NSUN5: variants seen among roughly 807,000 people sequenced by gnomAD.
NSUN5 encodes the protein NOP2/Sun RNA methyltransferase 5, also known as 28S rRNA (cytosine-C(5))-methyltransferase.
Under a neutral mutation model 51.1 loss-of-function variants are expected in NSUN5, and 39 were observed. The observed-to-expected ratio is 0.76, with a 90% confidence interval of 0.59 to 1.00. The LOEUF is 1.00. NSUN5 is among the 50% of genes least tolerant of loss of function. NSUN5 has a pLI of 0.00. For missense variants in NSUN5, 526 were observed against 614.0 expected (o/e 0.86, Z 1.51); for synonymous variants, 266 against 271.5 (o/e 0.98, Z 0.20).
rs1554542466 is a variant in NSUN5 at position 73,308,826 on chromosome 7, C to T, written c.-36G>A. The stretch of plus-strand genomic sequence containing the variant: ...GCCTTTACGGCTCTGTGGCAAAACG[C>T]ACCCGGCTCGGCGCCCGCCCGGACT... On this transcript the variant is annotated 5_prime_UTR_variant, in exon 1 of 10. Coordinates refer to ENST00000438747, the MANE Select transcript of NSUN5 (RefSeq NM_148956.4). 2 of 1,600,452 alleles carry T rather than the reference C, an allele frequency of 1.2e-6. No individual in the cohort carries two copies. Among genetic ancestry groups the T allele is most frequent in the East Asian group, 2.2e-5 (1 of 44,528 alleles).
Position 73,303,045 on chromosome 7 carries a change from C to A in NSUN5, c.*370G>T, listed in dbSNP as rs1319307684. ...AGTTCCGCAGGCAGGACAGCCGGTC[C>A]GGGAACCCTGAGTGAGTGTGAGTGT... On this transcript the variant is annotated 3_prime_UTR_variant, in exon 10 of 10. Transcript: ENST00000438747. 3.2e-5 allele frequency: 42 copies of A among 1,325,004 alleles called. No individual in the cohort carries two copies. Among genetic ancestry groups the A allele is most frequent in the Non-Finnish European group, 4.0e-5 (41 of 1,033,980 alleles). The allele number at this position is 1,325,004 out of a possible 1,614,324, so 82.1% of individuals were successfully genotyped here.
chr7:73,306,279 G>A (rs1804035187), intron 4 of NSUN5, among the ~76,000 whole-genome samples: 1 of 151,150 alleles, frequency 6.6e-6, no homozygotes, highest in South Asian at 2.1e-4. Context: ...AGCTACTCAG[G>A]AGGCTGAGGC....
rs1332721269 is a variant in NSUN5 at position 73,305,228 on chromosome 7, G to A, written c.501-131C>T. On this transcript the variant is annotated intron_variant, in intron 4 of 9. Coordinates refer to ENST00000438747, the MANE Select transcript of NSUN5 (RefSeq NM_148956.4). ...ACAGGGTGATAAGCTAGAGATGGGC[G>A]GAATCCGCAGTTGAGGGAATGGGTT... 4.9e-5 allele frequency: 62 copies of A among 1,267,646 alleles called. 1 individual carries two copies. The highest frequency in any genetic ancestry group is 3.2e-4 in the Admixed American group (14 of 43,596). The allele number at this position is 1,267,646 out of a possible 1,614,324, so 78.5% of individuals were successfully genotyped here. A position where few individuals can be genotyped will look rare whatever the true frequency, so the allele number is the denominator to read the frequency against.
chr7:73,302,799 T>C lies in NSUN5; in HGVS notation c.*616A>G, dbSNP rs140366182. 3.4e-3 allele frequency: 3,394 copies of C among 989,984 alleles called. 81 individuals are homozygous for C. In the African/African-American group the frequency reaches 0.056, roughly 16 times the overall value. The allele number at this position is 989,984 out of a possible 1,614,324, so 61.3% of individuals were successfully genotyped here. ...GCCCCCTCCCCGATGTGACTGAGGG[T>C]GAGTGAGTGGTGGTGGGGCTGCTCC... On this transcript the variant is annotated 3_prime_UTR_variant, in exon 10 of 10. Coordinates refer to ENST00000438747, the MANE Select transcript of NSUN5 (RefSeq NM_148956.4).
chr7:73,304,608 C>A, intron 6 of NSUN5, 139 bp downstream of exon 6: 2 of 904,254 alleles, frequency 2.2e-6, no homozygotes, highest in Admixed American at 2.0e-5. Context: ...GTGGGGAAAG[C>A]TTAGCTTGGG....
Position 73,303,754 on chromosome 7 carries a change from G to T in NSUN5, c.1146-14C>A, listed in dbSNP as rs4030983. The T allele has an allele frequency of 1.2e-6, 2 of 1,613,938 alleles. No homozygotes were observed. The highest frequency in any genetic ancestry group is 3.3e-5 in the Admixed American group (2 of 59,988). Reference sequence around the variant, plus strand: ...GCGGGAGCTAGCCTGCAAGAGAAACGGCCCCAATGCTGGGTAAGAGAGCAG... The same window carrying T: ...GCGGGAGCTAGCCTGCAAGAGAAACTGCCCCAATGCTGGGTAAGAGAGCAG... On this transcript the variant is annotated splice_polypyrimidine_tract_variant and intron_variant, in intron 8 of 9. Coordinates refer to ENST00000438747, the MANE Select transcript of NSUN5 (RefSeq NM_148956.4).
intron 2 of NSUN5, 122 bp downstream of exon 2, chr7:73,308,309 G>A: frequency 7.9e-7 from 1 of 1,268,396 alleles, no homozygotes; most frequent in Non-Finnish European, 1.1e-6. Flanking sequence ...GGGAAGGTCG[G>A]CTCATACTCA....
chr7:73,306,422 A>C (rs1446999444), intron 4 of NSUN5, among the ~76,000 whole-genome samples: 2 of 143,928 alleles, frequency 1.4e-5, no homozygotes, highest in Non-Finnish European at 3.0e-5. Flanking sequence ...AAAGCTTAGC[A>C]GAGGAGTAAC....
Position 73,305,945 on chromosome 7 carries a change from C to T in NSUN5, c.501-848G>A, listed in dbSNP as rs181975952. Among the ~76,000 whole-genome samples, 93 of 152,178 alleles carry T rather than the reference C, an allele frequency of 6.1e-4. 2 individuals carry two copies. The East Asian group carries it at 0.015, about 24-fold the overall frequency. ...GGCAGAGGCTGCTTCTCAGAGCCAA[C>T]GAAGGACAAAACGAGACAGGTGTGA... On this transcript the variant is annotated intron_variant, in intron 4 of 9. Coordinates refer to ENST00000438747, the MANE Select transcript of NSUN5 (RefSeq NM_148956.4).
At chr7:73,304,884 C>G (rs782684612) in intron 5 of NSUN5, 22 bp from the exon 6 acceptor site, 2 of 1,613,798 alleles carry the variant, frequency 1.2e-6, no homozygotes, top group East Asian at 4.5e-5. Flanking sequence ...AGCACAGGAG[C>G]CAGGTAAACA....
chr7:73,305,589 C>T (rs1414338737), intron 4 of NSUN5, among the ~76,000 whole-genome samples: 8 of 151,780 alleles, frequency 5.3e-5, no homozygotes, highest in African/African-American at 1.7e-4. Context: ...CTCAGCCTCC[C>T]GAGTAGCAGA....
intron 4 of NSUN5, 128 bp from the exon 5 acceptor site, chr7:73,305,225 G>T: frequency 7.7e-7 from 1 of 1,294,690 alleles, no homozygotes; most frequent in Non-Finnish European, 1.1e-6. Flanking sequence ...GCTAGAGATG[G>T]GCGGAATCCG....
chr7:73,308,357 G>C (rs1177842043), intron 2 of NSUN5, 74 bp downstream of exon 2: 34 of 1,508,480 alleles, frequency 2.3e-5, no homozygotes, highest in Admixed American at 4.0e-5. Context: ...CGCCGTGCAC[G>C]GCAGCAGAGC....
Position 73,307,495 on chromosome 7 carries a change from C to G in NSUN5, c.399G>C (p.Gln133His), listed in dbSNP as rs782054882. 9 of 1,614,010 alleles carry G rather than the reference C, an allele frequency of 5.6e-6. No homozygotes were observed. Among genetic ancestry groups the G allele is most frequent in the Non-Finnish European group, 7.6e-6 (9 of 1,180,026 alleles). ...TGTTCACACGCACAAATCGAGGCAG[C>G]TGGGAGGCTACGTAGGACGCAATGA... The part of the protein sequence containing the change: ...EVGSRPGPAS[Q>H]LPRFVRVNTL... Residue 133 changes from glutamine (Q) to histidine (H), a missense_variant, in exon 4 of 10, where the codon CAG (glutamine) becomes CAC (histidine). Physicochemically the swap from Gln to His is conservative, Grantham distance 24. Transcript: ENST00000438747.
At chr7:73,308,072 C>G (rs1218378041) in intron 2 of NSUN5, 1 of 451,416 alleles carries the variant, frequency 2.2e-6, no homozygotes, top group Non-Finnish European at 4.0e-6. Flanking sequence ...CTAGCTCTGT[C>G]GCCCAGGCTG....
At position 73,308,412 on chromosome 7, in the gene NSUN5, G is replaced by A. The variant is rs782668327; in HGVS notation, c.216+19C>T. 16 of 1,580,520 alleles carry A rather than the reference G, an allele frequency of 1.0e-5. No individual in the cohort carries two copies. Among genetic ancestry groups the A allele is most frequent in the Middle Eastern group, 2.3e-4 (1 of 4,384 alleles). On this transcript the variant is annotated intron_variant, in intron 2 of 9. Transcript: ENST00000438747. ...GCTGACCGTCGGGGTTCACTTCCCCGTCCCTCCCCTCCCCTCACCTTGGCC... is the reference window on the plus strand; with the variant it reads ...GCTGACCGTCGGGGTTCACTTCCCCATCCCTCCCCTCCCCTCACCTTGGCC...
At chr7:73,308,344 T>C in intron 2 of NSUN5, 87 bp downstream of exon 2, 2 of 1,483,460 alleles carry the variant, frequency 1.3e-6, no homozygotes, top group Non-Finnish European at 1.8e-6. Context: ...CTTGCTCCAG[T>C]CCCGCCGTGC....
chr7:73,308,131 T>C, intron 2 of NSUN5: 1 of 463,716 alleles, frequency 2.2e-6, no homozygotes, highest in Non-Finnish European at 3.8e-6. Context: ...CCTCCTGGGC[T>C]CAAGTGATCC....
intron 4 of NSUN5, among the ~76,000 whole-genome samples, chr7:73,305,462 CTTTTTTTTT>C (rs782168515): frequency 7.6e-6 from 1 of 132,134 alleles, no homozygotes; most frequent in Non-Finnish European, 1.6e-5. Flanking sequence ...AAAAAGTTTA[CTTTTTTTTT>C]TTTTTTTTTT....
Sources: allele counts gnomAD v4.1 joint callset (sites outside exome capture counted in the v4.1 genomes callset), GRCh38; gene constraint gnomAD v4.1.1; transcripts MANE v1.5; gene names NCBI Gene and HGNC (gene_info 2026-07-23, HGNC 2026-07-21).